SLC18A1: variants seen among roughly 807,000 people sequenced by gnomAD.
The protein encoded by SLC18A1 is chromaffin granule amine transporter.
A neutral mutation model predicts 53.7 loss-of-function variants in SLC18A1; 69 were observed. That is an observed-to-expected ratio of 1.28 (90% CI 1.06 to 1.57). The LOEUF (loss-of-function observed/expected upper bound fraction) is 1.57. Among genes scored for constraint, SLC18A1 ranks in the 40% most tolerant of loss-of-function variants. SLC18A1 has a pLI of 0.00. For synonymous variants in SLC18A1, 320 were observed against 248.1 expected (o/e 1.29, Z -2.72); for missense variants, 932 against 668.1 (o/e 1.40, Z -4.35).
At position 20,164,736 on chromosome 8, in the gene SLC18A1, T is replaced by G. The variant is rs2071911214; in HGVS notation, c.1015+133A>C. On this transcript the variant is annotated intron_variant, in intron 10 of 15. Coordinates refer to ENST00000276373, the MANE Select transcript of SLC18A1 (RefSeq NM_003053.4). Reference sequence around the variant, plus strand: ...GAGGGACCACACACCCTCTTGGGCTTGATTCATGGGTGTGGACGTGGGAGG... The same window carrying G: ...GAGGGACCACACACCCTCTTGGGCTGGATTCATGGGTGTGGACGTGGGAGG... 6.1e-6 allele frequency: 4 copies of G among 660,072 alleles called. No homozygotes were observed. In the South Asian group the frequency reaches 8.1e-5, roughly 13 times the overall value. 40.9% of individuals were successfully genotyped at this position (660,072 alleles called of 1,614,324 possible).
intron 5 of SLC18A1, 21 bp from the exon 6 acceptor site, chr8:20,173,149 GC>G (rs1276011564): frequency 6.5e-7 from 1 of 1,547,318 alleles, no homozygotes; most frequent in Admixed American, 1.9e-5. Flanking sequence ...AGTTACAGAT[GC>G]AGCTGGCCCC....
At chr8:20,171,185 C>T (rs1412426413) in intron 7 of SLC18A1, 39 bp from the exon 8 acceptor site, 6 of 1,609,686 alleles carry the variant, frequency 3.7e-6, no homozygotes, top group Admixed American at 3.3e-5. Context: ...AGCGTGTCTA[C>T]TGATTAGCTG....
chr8:20,147,253 C>T lies in SLC18A1; in HGVS notation c.1464+5G>A, dbSNP rs1194471509. 1 of 1,593,992 alleles carries T rather than the reference C, an allele frequency of 6.3e-7. No homozygotes were observed. The highest frequency in any genetic ancestry group is 1.4e-5 in the African/African-American group (1 of 73,892). ...ATTTCTCTTTTAACAGTCGGTGCTC[C>T]TTACAAGCTTCTCTTCCTTTGCCGG... On this transcript the variant is annotated splice_donor_5th_base_variant and intron_variant, in intron 15 of 15. Coordinates refer to ENST00000276373, the MANE Select transcript of SLC18A1 (RefSeq NM_003053.4).
intron 6 of SLC18A1, among the ~76,000 whole-genome samples, chr8:20,171,954 A>C (rs945520789): frequency 1.3e-5 from 2 of 152,258 alleles, no homozygotes; most frequent in African/African-American, 2.4e-5. Flanking sequence ...GGGTGTTAGC[A>C]GAGTATGAAT....
chr8:20,149,586 CTCCCTCTCTCTCTCT>C, intron 12 of SLC18A1, 75 bp downstream of exon 12: 3 of 985,786 alleles, frequency 3.0e-6, no homozygotes, highest in Non-Finnish European at 4.4e-6. Context: ...CTCTCTCTCT[CTCCCTCTCTCTCTCT>C]CTCTCTCTCT....
Position 20,164,856 on chromosome 8 carries a change from TGAG to T in SLC18A1, c.1015+10_1015+12del. ...CCTGCCAGGCCCTGAGCGGGGGTGCTGAGGTCACTTACCCAGCTGCCACTTGGG... is the reference window on the plus strand; with the variant it reads ...CCTGCCAGGCCCTGAGCGGGGGTGCTGTCACTTACCCAGCTGCCACTTGGG... On this transcript the variant is annotated intron_variant, in intron 10 of 15. Coordinates refer to ENST00000276373, the MANE Select transcript of SLC18A1 (RefSeq NM_003053.4). 6.3e-7 allele frequency: 1 copy of T among 1,598,446 alleles called. No individual in the cohort carries two copies. Among genetic ancestry groups the T allele is most frequent in the Non-Finnish European group, 8.6e-7 (1 of 1,168,388 alleles).
intron 4 of SLC18A1, among the ~76,000 whole-genome samples, chr8:20,176,092 C>T (rs2072244593): frequency 6.6e-6 from 1 of 152,192 alleles, no homozygotes; most frequent in African/African-American, 2.4e-5. Flanking sequence ...CACCAAATCT[C>T]ATGTTGAAAT....
intron 10 of SLC18A1, among the ~76,000 whole-genome samples, chr8:20,152,414 A>T (rs956937206): frequency 2.2e-4 from 34 of 152,310 alleles, no homozygotes; most frequent in Admixed American, 1.0e-3. Context: ...ATGGTGCCTC[A>T]GATTAGAAGT....
chr8:20,148,041 G>A lies in SLC18A1; in HGVS notation c.1176C>T (p.Leu392=). Residue 392 remains leucine, a synonymous_variant, in exon 13 of 16, where the codon CTC becomes CTT. Coordinates refer to ENST00000276373, the MANE Select transcript of SLC18A1 (RefSeq NM_003053.4). ...GGCCAAGCCCTGCATTGGGGCCAATGAGACCAAAAATATTGTGAGCCAGAG... is the reference window on the plus strand; with the variant it reads ...GGCCAAGCCCTGCATTGGGGCCAATAAGACCAAAAATATTGTGAGCCAGAG... The part of the protein sequence containing the change: ...CVPLAHNIFG[L]IGPNAGLGLA... 1 of 1,614,136 alleles carries A rather than the reference G, an allele frequency of 6.2e-7. No homozygotes were observed. Among genetic ancestry groups the A allele is most frequent in the Non-Finnish European group, 8.5e-7 (1 of 1,180,014 alleles).
At chr8:20,149,769 C>G in intron 11 of SLC18A1, 42 bp from the exon 12 acceptor site, 2 of 1,593,058 alleles carry the variant, frequency 1.3e-6, no homozygotes, top group Non-Finnish European at 1.7e-6. Context: ...TAGGGGAGAG[C>G]TCCCCTCCAC....
chr8:20,180,717 G>T (rs2072403813), intron 2 of SLC18A1, 124 bp downstream of exon 2: 2 of 1,227,136 alleles, frequency 1.6e-6, no homozygotes, highest in African/African-American at 1.5e-5. Flanking sequence ...AACAACCTCT[G>T]TGTGTTTTTG....
At position 20,157,632 on chromosome 8, in the gene SLC18A1, A is replaced by G. The variant is rs193188478; in HGVS notation, c.1016-6888T>C. Among the ~76,000 whole-genome samples the G allele has an allele frequency of 3.2e-3, 495 of 152,324 alleles. 8 individuals carry two copies. The highest frequency in any genetic ancestry group is 0.012 in the African/African-American group (483 of 41,582). ...GCATACCTCTCTGTCACCTGACTCTATTGAAGGCCAACTAATCTTAAAAGA... is the reference window on the plus strand; with the variant it reads ...GCATACCTCTCTGTCACCTGACTCTGTTGAAGGCCAACTAATCTTAAAAGA... On this transcript the variant is annotated intron_variant, in intron 10 of 15. Coordinates refer to ENST00000276373, the MANE Select transcript of SLC18A1 (RefSeq NM_003053.4).
chr8:20,179,143 A>G lies in SLC18A1; in HGVS notation c.466T>C (p.Phe156Leu). The G allele has an allele frequency of 1.2e-6, 2 of 1,612,910 alleles. No individual in the cohort carries two copies. Among genetic ancestry groups the G allele is most frequent in the Non-Finnish European group, 1.7e-6 (2 of 1,179,132 alleles). Residue 156 changes from phenylalanine (F) to leucine (L), a missense_variant, in exon 3 of 16, where the codon TTC becomes CTC. Phe to Leu is a conservative substitution (Grantham distance 22). Transcript: ENST00000276373. Reference protein sequence around the residue: ...KAVMQLLVNPFVGPLTNRIGY... With the variant: ...KAVMQLLVNPLVGPLTNRIGY... Reference sequence around the variant, plus strand: ...TACCTGTTGGTGAGAGGGCCCACGAATGGGTTGACCAGAAGTTGCATCACA... The same window carrying G: ...TACCTGTTGGTGAGAGGGCCCACGAGTGGGTTGACCAGAAGTTGCATCACA...
intron 8 of SLC18A1, among the ~76,000 whole-genome samples, chr8:20,165,318 T>A (rs924725664): frequency 1.5e-4 from 23 of 152,170 alleles, no homozygotes; most frequent in African/African-American, 5.1e-4. Flanking sequence ...GTGTGAAAGG[T>A]AGGCACTGTA....
At chr8:20,145,965 G>C (rs529229990) in intron 15 of SLC18A1, 89 bp from the exon 16 acceptor site, 1 of 649,934 alleles carries the variant, frequency 1.5e-6, no homozygotes, top group African/African-American at 1.9e-5. Flanking sequence ...GCCCAGGCTG[G>C]AGTGCAGTGG....
rs1015703521 is a variant in SLC18A1, at chr8:20,176,078, T to A, written c.548-1634A>T. ...CTACAGTGTGGACATGGGTTGTTTG[T>A]CCCCACCAAATCTCATGTTGAAATT... On this transcript the variant is annotated intron_variant, in intron 4 of 15. Coordinates refer to ENST00000276373, the MANE Select transcript of SLC18A1 (RefSeq NM_003053.4). Among the ~76,000 whole-genome samples the A allele has an allele frequency of 3.9e-5, 6 of 152,174 alleles. 1 individual carries two copies. The highest frequency in any genetic ancestry group is 1.4e-4 in the African/African-American group (6 of 41,454).
intron 15 of SLC18A1, among the ~76,000 whole-genome samples, chr8:20,146,640 T>C (rs924522400): frequency 3.3e-5 from 5 of 152,078 alleles, no homozygotes; most frequent in Non-Finnish European, 2.9e-5. Flanking sequence ...CTGACCAACA[T>C]GGATAAACCC....
At position 20,148,002 on chromosome 8, in the gene SLC18A1, C is replaced by G; in HGVS notation, c.1210+5G>C. 6.2e-7 allele frequency: 1 copy of G among 1,613,998 alleles called. No individual in the cohort carries two copies. The highest frequency in any genetic ancestry group is 1.1e-5 in the South Asian group (1 of 91,070). On this transcript the variant is annotated splice_donor_5th_base_variant and intron_variant, in intron 13 of 15. Coordinates refer to ENST00000276373, the MANE Select transcript of SLC18A1 (RefSeq NM_003053.4). Reference sequence around the variant, plus strand: ...CTTATTGTTTTCTTTGAGGGCACTTCTTACCTATGGCAAGGCCAAGCCCTG... The same window carrying G: ...CTTATTGTTTTCTTTGAGGGCACTTGTTACCTATGGCAAGGCCAAGCCCTG...
At chr8:20,171,661 G>C (rs1020975536) in intron 6 of SLC18A1, among the ~76,000 whole-genome samples, 167 bp from the exon 7 acceptor site, 23 of 152,064 alleles carry the variant, frequency 1.5e-4, no homozygotes, top group African/African-American at 5.1e-4. Flanking sequence ...TCCCCATCAA[G>C]CCCACTTTCT....
Sources: allele counts gnomAD v4.1 joint callset (sites outside exome capture counted in the v4.1 genomes callset), GRCh38; gene constraint gnomAD v4.1.1; transcripts MANE v1.5; gene names NCBI Gene and HGNC (gene_info 2026-07-23, HGNC 2026-07-21).